Variants in EFR3A observed in about 807,000 individuals in gnomAD.
EFR3A encodes EFR3 homolog A.
In EFR3A, 76 loss-of-function variants were observed where a neutral mutation model predicts 104.4. The ratio of observed to expected loss-of-function variants is 0.73; its 90% CI spans 0.60 to 0.88. The LOEUF (loss-of-function observed/expected upper bound fraction) is 0.88, where lower values mean the gene tolerates loss of function less well. EFR3A is among the 40% of genes least tolerant of loss of function. The probability of loss-of-function intolerance (pLI) is 0.00; values close to 1 mark genes in which losing one functional copy is unlikely to be tolerated. For missense variants in EFR3A, 985 were observed against 1,012.5 expected (o/e 0.97, Z 0.37); for synonymous variants, 330 against 330.0 (o/e 1.00, Z 0.00).
intron 1 of EFR3A, among the ~76,000 whole-genome samples, chr8:131,929,852 T>A (rs4540393): frequency 0.15 from 22,434 of 152,058 alleles, 2,212 homozygotes; most frequent in East Asian, 0.33. Context: ...TTGAAGCAAG[T>A]CAAAATACCA....
At chr8:131,972,725 C>A (rs1002905246) in intron 10 of EFR3A, among the ~76,000 whole-genome samples, 39 of 152,118 alleles carry the variant, frequency 2.6e-4, no homozygotes, top group Non-Finnish European at 3.7e-4. Flanking sequence ...TAATTTCTAA[C>A]CTAATAATAG....
chr8:131,997,382 ATTGAT>A (rs1821550695), intron 19 of EFR3A, among the ~76,000 whole-genome samples: 1 of 151,988 alleles, frequency 6.6e-6, no homozygotes, highest in Non-Finnish European at 1.5e-5. Context: ...TACAATTCCT[ATTGAT>A]TTATTTGTCT....
Position 131,934,152 on chromosome 8 carries a change from A to C in EFR3A, c.11-6347A>C, listed in dbSNP as rs181301704. Among the ~76,000 whole-genome samples, 592 of 152,246 alleles carry C rather than the reference A, an allele frequency of 3.9e-3. 9 individuals carry two copies. The highest frequency in any genetic ancestry group is 4.4e-3 in the South Asian group (21 of 4,822). On this transcript the variant is annotated intron_variant, in intron 1 of 22. Coordinates refer to ENST00000254624, the MANE Select transcript of EFR3A (RefSeq NM_015137.6). Reference sequence around the variant, plus strand: ...TATTTTGTTCCTTTCTTTTGACCCCATATCTAATTAGTCACCAAACTCTTT... The same window carrying C: ...TATTTTGTTCCTTTCTTTTGACCCCCTATCTAATTAGTCACCAAACTCTTT...
chr8:131,973,265 A>G (rs925221515), intron 10 of EFR3A, among the ~76,000 whole-genome samples: 3 of 151,634 alleles, frequency 2.0e-5, no homozygotes, highest in Non-Finnish European at 4.4e-5. Flanking sequence ...TATATAGTGA[A>G]CCTCGCTTCT....
chr8:132,003,213 T>G (rs769876951), intron 21 of EFR3A, 23 bp from the exon 22 acceptor site: 3 of 1,600,882 alleles, frequency 1.9e-6, no homozygotes, highest in Non-Finnish European at 2.6e-6. Flanking sequence ...AAACCATTCT[T>G]AACATTTTTT....
At chr8:131,966,100 T>C (rs192707629) in intron 8 of EFR3A, among the ~76,000 whole-genome samples, 6 of 152,242 alleles carry the variant, frequency 3.9e-5, no homozygotes, top group African/African-American at 1.2e-4. Flanking sequence ...TTAGGAGATA[T>C]ACCTAACGTA....
At chr8:131,904,849 C>CGGT (rs1816164342) in intron 1 of EFR3A, among the ~76,000 whole-genome samples, 1 of 152,262 alleles carries the variant, frequency 6.6e-6, no homozygotes, top group Non-Finnish European at 1.5e-5. Flanking sequence ...AGAGGCACCT[C>CGGT]GACTGTGGCT....
chr8:131,975,987 A>G, intron 10 of EFR3A, 40 bp from the exon 11 acceptor site: 1 of 1,257,350 alleles, frequency 8.0e-7, no homozygotes, highest in Non-Finnish European at 1.1e-6. Context: ...GGAAAAGTAG[A>G]CTTTTTCAGT....
At chr8:131,914,273 A>G (rs909189923) in intron 1 of EFR3A, among the ~76,000 whole-genome samples, 5 of 152,210 alleles carry the variant, frequency 3.3e-5, no homozygotes, top group African/African-American at 1.2e-4. Flanking sequence ...TCACAACTCA[A>G]ATTGGAAGCA....
At chr8:131,952,609 A>C (rs1166722595) in intron 5 of EFR3A, among the ~76,000 whole-genome samples, 1 of 152,096 alleles carries the variant, frequency 6.6e-6, no homozygotes, top group Non-Finnish European at 1.5e-5. Flanking sequence ...TAAAGCAGGC[A>C]CCTTGTGTAG....
chr8:131,968,354 A>G lies in EFR3A; in HGVS notation c.915A>G (p.Lys305=), dbSNP rs1424289628. 1 of 1,613,474 alleles carries G rather than the reference A, an allele frequency of 6.2e-7. No homozygotes were observed. The highest frequency in any genetic ancestry group is 1.3e-5 in the African/African-American group (1 of 74,906). ...TAGGACACCTTGATGCTCGTAAAAA[A>G]GATGCTCCCCGGGTTCGAGCAGGTA... The part of the protein sequence containing the change: ...EILGHLDARK[K]DAPRVRAGII... The change falls in exon 9 of 23, where the codon AAA becomes AAG. Residue 305 remains lysine, a synonymous_variant. Transcript: ENST00000254624.
intron 1 of EFR3A, among the ~76,000 whole-genome samples, chr8:131,914,134 C>G (rs1195078303): frequency 6.6e-6 from 1 of 152,182 alleles, no homozygotes; most frequent in African/African-American, 2.4e-5. Context: ...AGAAGGGCAT[C>G]TACAGTGGGG....
At chr8:131,979,251 TCAAA>T in intron 13 of EFR3A, 91 bp from the exon 14 acceptor site, 1 of 1,096,372 alleles carries the variant, frequency 9.1e-7, no homozygotes, top group Admixed American at 2.5e-5. Flanking sequence ...TACAGGCTTA[TCAAA>T]CTCCTAAGTA....
At chr8:131,990,134 T>C (rs2130774326) in intron 18 of EFR3A, among the ~76,000 whole-genome samples, 1 of 152,344 alleles carries the variant, frequency 6.6e-6, no homozygotes, top group African/African-American at 2.4e-5. Context: ...GGTAGGTCCC[T>C]ACTTTCACAA....
intron 1 of EFR3A, among the ~76,000 whole-genome samples, chr8:131,936,585 G>A (rs534314123): frequency 6.6e-6 from 1 of 152,090 alleles, no homozygotes; most frequent in South Asian, 2.1e-4. Flanking sequence ...GGAAGCCCCA[G>A]GTTGTTTTAC....
intron 8 of EFR3A, among the ~76,000 whole-genome samples, chr8:131,962,642 C>T (rs552038118): frequency 1.3e-5 from 2 of 152,252 alleles, no homozygotes; most frequent in East Asian, 3.9e-4. Flanking sequence ...CAACATTAGA[C>T]AGATCAATGA....
intron 1 of EFR3A, among the ~76,000 whole-genome samples, chr8:131,904,737 T>G (rs552045140): frequency 6.6e-6 from 1 of 152,116 alleles, no homozygotes; most frequent in African/African-American, 2.4e-5. Context: ...CGGCCCCGAG[T>G]CCCTTCCCGC....
At chr8:131,961,436 C>T (rs553170637) in intron 8 of EFR3A, among the ~76,000 whole-genome samples, 136 of 152,140 alleles carry the variant, frequency 8.9e-4, no homozygotes, top group African/African-American at 3.1e-3. Context: ...GTAGCCGATT[C>T]GATCAACTGG....
At chr8:131,965,539 A>G (rs576066959) in intron 8 of EFR3A, among the ~76,000 whole-genome samples, 131 of 152,342 alleles carry the variant, frequency 8.6e-4, no homozygotes, top group Non-Finnish European at 1.6e-3. Context: ...TAGAATGGCA[A>G]TCATTAAAAA....
Sources: gnomAD v4.1 joint callset for allele counts (sites outside exome capture counted in the v4.1 genomes callset) on GRCh38, gnomAD v4.1.1 for gene constraint, MANE v1.5 for transcripts, NCBI Gene and HGNC (gene_info 2026-07-23, HGNC 2026-07-21) for gene names.